The following COL6A5 variants were observed in gnomAD, a reference collection of about 807,000 sequenced individuals.
COL6A5 encodes collagen alpha-5(VI) chain.
Under a neutral mutation model 65.6 loss-of-function variants are expected in COL6A5, and 48 were observed. That is an observed-to-expected ratio of 0.73 (90% CI 0.58 to 0.93). The LOEUF (loss-of-function observed/expected upper bound fraction) is 0.93. Among genes scored for constraint, COL6A5 ranks in the 40% least tolerant of loss-of-function variants. The probability of loss-of-function intolerance (pLI) is 0.00; values close to 1 mark genes in which losing one functional copy is unlikely to be tolerated. For missense variants in COL6A5, 914 were observed against 928.3 expected (o/e 0.98, Z 0.20); for synonymous variants, 291 against 322.8 (o/e 0.90, Z 1.05).
intron 6 of COL6A5, among the ~76,000 whole-genome samples, chr3:130,390,172 C>A (rs758014137): frequency 6.6e-6 from 1 of 152,166 alleles, no homozygotes; most frequent in Non-Finnish European, 1.5e-5. Flanking sequence ...TTGAAACCTG[C>A]AAGGCTCTTC....
intron 20 of COL6A5, among the ~76,000 whole-genome samples, chr3:130,410,954 A>G (rs1043407688): frequency 1.1e-4 from 17 of 152,334 alleles, no homozygotes; most frequent in African/African-American, 3.8e-4. Context: ...TGATTTTGAC[A>G]CAAAAGCTCT....
At chr3:130,392,520 A>G (rs867509150) in intron 7 of COL6A5, among the ~76,000 whole-genome samples, 2 of 152,130 alleles carry the variant, frequency 1.3e-5, no homozygotes, top group South Asian at 4.1e-4. Flanking sequence ...GTGGTTTGTT[A>G]TTGGCCCAGT....
At chr3:130,417,908 G>A (rs1559891607) in intron 24 of COL6A5, among the ~76,000 whole-genome samples, 1 of 152,058 alleles carries the variant, frequency 6.6e-6, no homozygotes, top group African/African-American at 2.4e-5. Context: ...TGGCCTCCAG[G>A]AAATATTCAA....
At chr3:130,439,522 T>G (rs886935279) in exon 2 of COL6A5, 1 of 1,548,702 alleles carries the variant, frequency 6.5e-7, no homozygotes. Flanking sequence ...TCCAATGCAG[T>G]TTGACAACAC....
intron 7 of COL6A5, among the ~76,000 whole-genome samples, chr3:130,473,792 C>T (rs1319425040): frequency 2.6e-5 from 4 of 152,130 alleles, no homozygotes; most frequent in Admixed American, 1.3e-4. Context: ...TTACCTCCTC[C>T]TCCCTGCTCT....
At chr3:130,353,297 G>C (rs191276502) in intron 1 of COL6A5, among the ~76,000 whole-genome samples, 11 of 152,196 alleles carry the variant, frequency 7.2e-5, no homozygotes, top group Non-Finnish European at 1.3e-4. Context: ...ATATCCAAAG[G>C]CTACACAGAA....
intron 8 of COL6A5, among the ~76,000 whole-genome samples, chr3:130,396,303 C>G (rs1428888685): frequency 6.6e-6 from 1 of 152,238 alleles, no homozygotes; most frequent in Non-Finnish European, 1.5e-5. Context: ...GAAATCACTT[C>G]TTTCACAAAA....
chr3:130,472,858 T>TATATAC (rs1198559167), intron 7 of COL6A5, among the ~76,000 whole-genome samples: 64 of 141,848 alleles, frequency 4.5e-4, no homozygotes, highest in Middle Eastern at 3.8e-3. Flanking sequence ...TATATATATA[T>TATATAC]ACACATTTAT....
At chr3:130,424,346 C>T (rs1376189227) in intron 29 of COL6A5, among the ~76,000 whole-genome samples, 3 of 152,144 alleles carry the variant, frequency 2.0e-5, no homozygotes, top group Non-Finnish European at 4.4e-5. Context: ...GCAACTTCCC[C>T]TATGATTCTA....
intron 17 of COL6A5, among the ~76,000 whole-genome samples, chr3:130,406,768 A>T (rs989639215): frequency 6.6e-6 from 1 of 152,084 alleles, no homozygotes; most frequent in African/African-American, 2.4e-5. Flanking sequence ...ATTTATTTCA[A>T]CACTCATTAG....
chr3:130,405,614 A>G (rs1001235175), exon 14 of COL6A5: 6 of 1,550,914 alleles, frequency 3.9e-6, no homozygotes, highest in Non-Finnish European at 5.2e-6. Flanking sequence ...CAGGACCCCA[A>G]GGAGACAAAG....
intron 1 of COL6A5, among the ~76,000 whole-genome samples, chr3:130,349,002 C>T (rs1022770755): frequency 2.6e-5 from 4 of 151,876 alleles, no homozygotes; most frequent in Non-Finnish European, 2.9e-5. Flanking sequence ...GTTCAAGGAA[C>T]CATTCTTGTC....
exon 18 of COL6A5, chr3:130,409,378 C>T (rs1408388493): frequency 6.5e-7 from 1 of 1,548,872 alleles, no homozygotes. Flanking sequence ...AAGGGCTTCC[C>T]AGGGGATCCG....
Position 130,439,339 on chromosome 3 carries a change from T to TTGTGTG in COL6A5, c.488-148_488-143dup, listed in dbSNP as rs5852597. Among the ~76,000 whole-genome samples, 485 of 146,656 alleles carry TTGTGTG rather than the reference T, an allele frequency of 3.3e-3. 3 individuals carry two copies. Among genetic ancestry groups the TTGTGTG allele is most frequent in the South Asian group, 9.4e-3 (42 of 4,472 alleles). On this transcript the variant is annotated intron_variant, in intron 1 of 7. Transcript: ENST00000512836. Reference sequence around the variant, plus strand: ...TGTTATGTTTGGGATAAGCAGGGGATTGTGTGTGTGTGTGTGTGTGTGTGT... The same window carrying TTGTGTG: ...TGTTATGTTTGGGATAAGCAGGGGATTGTGTGTGTGTGTGTGTGTGTGTGTGTGTGT...
At chr3:130,476,226 T>C (rs1710094052) in intron 7 of COL6A5, among the ~76,000 whole-genome samples, 1 of 152,096 alleles carries the variant, frequency 6.6e-6, no homozygotes, top group African/African-American at 2.4e-5. Context: ...CCTCACATGA[T>C]AGAAAGAGGA....
At chr3:130,437,785 C>T (rs988677651) in intron 1 of COL6A5, among the ~76,000 whole-genome samples, 9 of 152,110 alleles carry the variant, frequency 5.9e-5, no homozygotes, top group Non-Finnish European at 1.0e-4. Flanking sequence ...TCTCCATCTT[C>T]CCTCTTCTTT....
chr3:130,471,260 T>C (rs1361472002), intron 7 of COL6A5, among the ~76,000 whole-genome samples: 1 of 152,036 alleles, frequency 6.6e-6, no homozygotes. Context: ...ATAACTCCAA[T>C]ATTGGGTACT....
chr3:130,368,289 G>T (rs867377024), intron 1 of COL6A5, among the ~76,000 whole-genome samples: 1 of 152,140 alleles, frequency 6.6e-6, no homozygotes, highest in African/African-American at 2.4e-5. Flanking sequence ...TTCCAAACAT[G>T]GCCTTTTGCT....
intron 1 of COL6A5, among the ~76,000 whole-genome samples, chr3:130,358,646 T>C (rs555234802): frequency 2.4e-4 from 36 of 152,208 alleles, no homozygotes; most frequent in African/African-American, 8.0e-4. Flanking sequence ...TAATGTGGAA[T>C]TTTTTCCCCC....
Sources: allele counts gnomAD v4.1 joint callset (sites outside exome capture counted in the v4.1 genomes callset), GRCh38; gene constraint gnomAD v4.1.1; transcripts MANE v1.5; gene names NCBI Gene and HGNC (gene_info 2026-07-23, HGNC 2026-07-21).